Variants in PIK3CB observed in about 807,000 individuals in gnomAD.
PIK3CB encodes the protein phosphatidylinositol 4,5-bisphosphate 3-kinase catalytic subunit beta isoform.
A neutral mutation model predicts 136.8 loss-of-function variants in PIK3CB; 39 were observed. The observed-to-expected ratio is 0.29, with a 90% CI of 0.22 to 0.37. PIK3CB has a LOEUF of 0.37. PIK3CB is among the 10% of genes least tolerant of loss of function. The pLI, the probability that PIK3CB is intolerant of heterozygous loss-of-function variation, is 1.00. For missense variants in PIK3CB, 868 were observed against 1,275.4 expected (o/e 0.68, Z 4.87); for synonymous variants, 428 against 436.6 (o/e 0.98, Z 0.25).
chr3:138,770,169 A>G (rs1270004453), intron 2 of PIK3CB: 2 of 152,222 alleles, frequency 1.3e-5, no homozygotes, highest in Non-Finnish European at 2.9e-5. Context: ...GGAAGCTATC[A>G]GAGGGCACAG....
At chr3:138,811,789 T>C (rs1356043071) in intron 1 of PIK3CB, among the ~76,000 whole-genome samples, 1 of 151,524 alleles carries the variant, frequency 6.6e-6, no homozygotes, top group Non-Finnish European at 1.5e-5. Flanking sequence ...AGAATTATGC[T>C]GACTGAAAAA....
intron 1 of PIK3CB, among the ~76,000 whole-genome samples, chr3:138,797,978 C>T (rs2046127085): frequency 6.6e-6 from 1 of 151,800 alleles, no homozygotes; most frequent in Non-Finnish European, 1.5e-5. Context: ...GGAAAAAAAT[C>T]CTATATACTC....
chr3:138,832,262 C>T (rs1934069886), intron 1 of PIK3CB, among the ~76,000 whole-genome samples: 1 of 152,114 alleles, frequency 6.6e-6, no homozygotes, highest in Non-Finnish European at 1.5e-5. Flanking sequence ...AATCAAAACC[C>T]GACTTGATTT....
intron 17 of PIK3CB, among the ~76,000 whole-genome samples, chr3:138,684,274 C>T (rs2043837884): frequency 1.3e-5 from 2 of 152,052 alleles, no homozygotes; most frequent in South Asian, 4.1e-4. Flanking sequence ...AAGACAAGAT[C>T]TTATTTTAAA....
chr3:138,786,360 T>G (rs2045981748), intron 2 of PIK3CB, among the ~76,000 whole-genome samples: 1 of 152,162 alleles, frequency 6.6e-6, no homozygotes, highest in South Asian at 2.1e-4. Context: ...ATTTTCTATT[T>G]AATTTTTTTT....
At chr3:138,766,285 C>T (rs2045731478) in intron 2 of PIK3CB, among the ~76,000 whole-genome samples, 1 of 152,100 alleles carries the variant, frequency 6.6e-6, no homozygotes, top group African/African-American at 2.4e-5. Flanking sequence ...AAGGGATAAC[C>T]ATTATTTATT....
rs575641582 is a variant in PIK3CB, at chr3:138,727,836, ATTTC to A, written c.1050+5521_1050+5524del. 1.1e-4 allele frequency among the ~76,000 whole-genome samples: 16 copies of A among 152,188 alleles called. No homozygotes were observed. In the South Asian group the frequency reaches 1.5e-3, roughly 14 times the overall value. ...ACCATACCCATTAAATAAATTTTGAATTTCTTTCTTTTTTTGTTTTGTTTTGTTT... is the reference window on the plus strand; with the variant it reads ...ACCATACCCATTAAATAAATTTTGAATTTCTTTTTTTGTTTTGTTTTGTTT... On this transcript the variant is annotated intron_variant, in intron 8 of 23. Transcript: ENST00000674063.
intron 1 of PIK3CB, among the ~76,000 whole-genome samples, chr3:138,815,660 C>T (rs1933294458): frequency 6.6e-6 from 1 of 151,994 alleles, no homozygotes; most frequent in African/African-American, 2.4e-5. Flanking sequence ...TGGGGGTTTA[C>T]ATGTATATAT....
At chr3:138,807,822 G>A (rs890179693) in intron 1 of PIK3CB, among the ~76,000 whole-genome samples, 2 of 151,902 alleles carry the variant, frequency 1.3e-5, no homozygotes, top group Non-Finnish European at 2.9e-5. Context: ...TTGAGCTCGG[G>A]AGGTTGAGGC....
At chr3:138,820,226 C>G (rs1933500068) in intron 1 of PIK3CB, among the ~76,000 whole-genome samples, 1 of 152,134 alleles carries the variant, frequency 6.6e-6, no homozygotes, top group Non-Finnish European at 1.5e-5. Context: ...AAAATCGTCC[C>G]CTGCTCTCAT....
intron 1 of PIK3CB, among the ~76,000 whole-genome samples, chr3:138,820,348 T>TTA (rs1404980109): frequency 6.6e-6 from 1 of 152,236 alleles, no homozygotes; most frequent in African/African-American, 2.4e-5. Flanking sequence ...TGTTACAATA[T>TTA]TATTACATTA....
chr3:138,665,209 AGG>A lies in PIK3CB; in HGVS notation c.2505-8_2505-7del, dbSNP rs1260293594. 1 of 1,573,482 alleles carries A rather than the reference AGG, an allele frequency of 6.4e-7. No individual in the cohort carries two copies. The highest frequency in any genetic ancestry group is 1.2e-5 in the South Asian group (1 of 83,166). ...AACAGCCATAAGGCAACATCCTGGA[AGG>A]AAAAAAATGGGCATAGAGTCATATT... On this transcript the variant is annotated splice_region_variant and splice_polypyrimidine_tract_variant and intron_variant, in intron 19 of 23. Coordinates refer to ENST00000674063, the MANE Select transcript of PIK3CB (RefSeq NM_006219.3).
At chr3:138,793,008 T>C (rs957264724) in intron 2 of PIK3CB, among the ~76,000 whole-genome samples, 1 of 152,198 alleles carries the variant, frequency 6.6e-6, no homozygotes, top group Non-Finnish European at 1.5e-5. Context: ...ATTCGGCATA[T>C]AGTTAATTAG....
At chr3:138,830,197 AT>A (rs1436739363) in intron 1 of PIK3CB, among the ~76,000 whole-genome samples, 2 of 152,102 alleles carry the variant, frequency 1.3e-5, no homozygotes, top group Non-Finnish European at 2.9e-5. Context: ...ACATAATGTG[AT>A]TTTCTAGTAC....
At chr3:138,808,965 A>T (rs2046263871) in intron 1 of PIK3CB, among the ~76,000 whole-genome samples, 1 of 152,026 alleles carries the variant, frequency 6.6e-6, no homozygotes, top group African/African-American at 2.4e-5. Flanking sequence ...ATGAAAAAAA[A>T]ATTGGGTAAG....
At chr3:138,748,186 CA>C in intron 4 of PIK3CB, among the ~76,000 whole-genome samples, 1 of 151,334 alleles carries the variant, frequency 6.6e-6, no homozygotes, top group South Asian at 2.1e-4. Context: ...CACACACACA[CA>C]CACACACACA....
intron 18 of PIK3CB, 97 bp downstream of exon 18, chr3:138,683,581 G>A: frequency 1.4e-6 from 1 of 706,852 alleles, no homozygotes; most frequent in South Asian, 1.7e-5. Flanking sequence ...GCTGCAAATT[G>A]TTACACACTT....
chr3:138,675,284 A>T (rs1426231541), intron 19 of PIK3CB, among the ~76,000 whole-genome samples: 2 of 152,164 alleles, frequency 1.3e-5, no homozygotes. Context: ...AAAAGAAAAA[A>T]TAATGAAGAA....
chr3:138,657,969 C>A, intron 21 of PIK3CB, 134 bp from the exon 22 acceptor site: 1 of 717,310 alleles, frequency 1.4e-6, no homozygotes, highest in Non-Finnish European at 2.2e-6. Flanking sequence ...TGTTTATAGC[C>A]CACTGAGCCA....
Sources: allele counts gnomAD v4.1 joint callset (sites outside exome capture counted in the v4.1 genomes callset), GRCh38; gene constraint gnomAD v4.1.1; transcripts MANE v1.5; gene names NCBI Gene and HGNC (gene_info 2026-07-23, HGNC 2026-07-21).